The following KIAA1217 variants were observed in gnomAD, a reference collection of about 807,000 sequenced individuals.
KIAA1217 encodes KIAA1217, also known as sickle tail protein homolog.
A neutral mutation model predicts 163.9 loss-of-function variants in KIAA1217; 88 were observed. That is an observed-to-expected ratio of 0.54 (90% confidence interval 0.45 to 0.64). The LOEUF is 0.64. Ranked by LOEUF, KIAA1217 falls within the 30% of genes least tolerant of loss-of-function variation. The pLI is 0.00. For missense variants in KIAA1217, 2,372 were observed against 2,475.0 expected (o/e 0.96, Z 0.88); for synonymous variants, 903 against 923.1 (o/e 0.98, Z 0.39).
chr10:23,772,955 G>C (rs1203266688), intron 1 of KIAA1217, among the ~76,000 whole-genome samples: 2 of 152,100 alleles, frequency 1.3e-5, no homozygotes, highest in Non-Finnish European at 2.9e-5. Flanking sequence ...CCCTAATTTT[G>C]TTTCTGGTTT....
intron 1 of KIAA1217, among the ~76,000 whole-genome samples, chr10:23,736,574 G>A (rs1220205889): frequency 1.3e-5 from 2 of 152,082 alleles, no homozygotes; most frequent in African/African-American, 4.8e-5. Flanking sequence ...CCAGGCTGGG[G>A]TGCAGTGATG....
intron 1 of KIAA1217, among the ~76,000 whole-genome samples, chr10:23,925,447 G>A (rs1842985470): frequency 6.6e-6 from 1 of 152,216 alleles, no homozygotes; most frequent in African/African-American, 2.4e-5. Flanking sequence ...CCTGCCTTCT[G>A]CCCTCAACCC....
At chr10:24,348,210 G>A (rs959243588) in intron 2 of KIAA1217, among the ~76,000 whole-genome samples, 4 of 152,048 alleles carry the variant, frequency 2.6e-5, no homozygotes, top group African/African-American at 9.7e-5. Context: ...AAAATTAGCT[G>A]GGCATGGTGG....
chr10:24,451,963 C>T (rs193062740), intron 5 of KIAA1217, among the ~76,000 whole-genome samples: 1 of 152,170 alleles, frequency 6.6e-6, no homozygotes, highest in Non-Finnish European at 1.5e-5. Flanking sequence ...AGCCTAGGCG[C>T]CCCGAGTCCC....
At chr10:23,859,396 T>G (rs1235755368) in intron 1 of KIAA1217, among the ~76,000 whole-genome samples, 1 of 152,250 alleles carries the variant, frequency 6.6e-6, no homozygotes, top group Non-Finnish European at 1.5e-5. Context: ...TAATGGTAAC[T>G]TGAATGGAAT....
chr10:23,761,546 A>G (rs1364941711), intron 1 of KIAA1217, among the ~76,000 whole-genome samples: 1 of 152,102 alleles, frequency 6.6e-6, no homozygotes, highest in Non-Finnish European at 1.5e-5. Context: ...TTCAATTTCC[A>G]TGTAATTGTA....
chr10:24,245,497 G>A (rs182395498), intron 2 of KIAA1217, among the ~76,000 whole-genome samples: 55 of 152,286 alleles, frequency 3.6e-4, no homozygotes, highest in Middle Eastern at 3.4e-3. Context: ...AGCCTCATAC[G>A]TTTTTGGAGT....
At chr10:24,295,174 G>A (rs1296993167) in intron 2 of KIAA1217, among the ~76,000 whole-genome samples, 1 of 152,160 alleles carries the variant, frequency 6.6e-6, no homozygotes, top group Non-Finnish European at 1.5e-5. Flanking sequence ...TGTTAATAGA[G>A]AACTTATATC....
At chr10:23,730,514 G>A (rs1450439146) in intron 1 of KIAA1217, among the ~76,000 whole-genome samples, 1 of 151,922 alleles carries the variant, frequency 6.6e-6, no homozygotes, top group Non-Finnish European at 1.5e-5. Flanking sequence ...GAATCAGTTT[G>A]TTCATATCTA....
rs544131223 is a variant in KIAA1217, at chr10:23,922,604, C to A, written c.-320-84621C>A. ...AGAATGAAACTAAATTGTAGGTCAC[C>A]CAGTTGGTGTCTACAGAGAACAGGA... On this transcript the variant is annotated intron_variant, in intron 1 of 18. Coordinates refer to the KIAA1217 transcript ENST00000376462. Among the ~76,000 whole-genome samples the A allele has an allele frequency of 1.8e-3, 269 of 152,186 alleles. 4 individuals are homozygous for A. Among genetic ancestry groups the A allele is most frequent in the African/African-American group, 5.9e-3 (247 of 41,524 alleles).
intron 2 of KIAA1217, among the ~76,000 whole-genome samples, chr10:24,034,937 G>A (rs1312231461): frequency 2.0e-5 from 3 of 152,236 alleles, no homozygotes; most frequent in Admixed American, 2.0e-4. Flanking sequence ...AGCCACCCAA[G>A]TGCAGTGCAT....
chr10:24,332,222 G>T (rs1481454663), intron 2 of KIAA1217, among the ~76,000 whole-genome samples: 1 of 152,210 alleles, frequency 6.6e-6, no homozygotes, highest in Admixed American at 6.5e-5. Context: ...CTGACAAAAG[G>T]CCGTTATAGC....
chr10:24,436,977 A>G (rs998594971), intron 4 of KIAA1217, among the ~76,000 whole-genome samples: 1 of 152,152 alleles, frequency 6.6e-6, no homozygotes, highest in Non-Finnish European at 1.5e-5. Flanking sequence ...AGTTCAGGTC[A>G]GAATATTGTG....
chr10:24,006,976 C>A (rs1300671832), intron 1 of KIAA1217, among the ~76,000 whole-genome samples: 1 of 152,174 alleles, frequency 6.6e-6, no homozygotes, highest in African/African-American at 2.4e-5. Context: ...AATGTGTTTA[C>A]TTTCCTTTAT....
chr10:24,210,378 C>T (rs914720375), intron 1 of KIAA1217, among the ~76,000 whole-genome samples: 6 of 152,248 alleles, frequency 3.9e-5, no homozygotes, highest in Non-Finnish European at 4.4e-5. Flanking sequence ...TGTCTGCCTT[C>T]GTGCTGCCAA....
At chr10:24,192,217 T>A (rs1403090325) in intron 2 of KIAA1217, among the ~76,000 whole-genome samples, 3 of 152,148 alleles carry the variant, frequency 2.0e-5, no homozygotes, top group Non-Finnish European at 2.9e-5. Flanking sequence ...AAGGAAGTGA[T>A]CTAATGGTAA....
intron 2 of KIAA1217, among the ~76,000 whole-genome samples, chr10:24,137,153 C>G (rs1478729779): frequency 2.0e-5 from 3 of 152,178 alleles, no homozygotes; most frequent in Non-Finnish European, 4.4e-5. Context: ...AATCCCTGTA[C>G]AAAAGTAAAA....
intron 2 of KIAA1217, among the ~76,000 whole-genome samples, chr10:24,069,103 CA>C (rs1429952353): frequency 1.3e-5 from 2 of 152,178 alleles, no homozygotes; most frequent in Admixed American, 6.5e-5. Flanking sequence ...TGCATTGAGC[CA>C]GGGGGCAGAG....
intron 2 of KIAA1217, among the ~76,000 whole-genome samples, chr10:24,068,034 C>T (rs926994497): frequency 2.0e-5 from 3 of 152,332 alleles, no homozygotes; most frequent in Non-Finnish European, 4.4e-5. Context: ...TTCCAGTTTC[C>T]GTCTGTCACC....
Sources: gnomAD v4.1 joint callset for allele counts (sites outside exome capture counted in the v4.1 genomes callset) on GRCh38, gnomAD v4.1.1 for gene constraint, MANE v1.5 for transcripts, NCBI Gene and HGNC (gene_info 2026-07-23, HGNC 2026-07-21) for gene names.